The following CDH12 variants were observed in gnomAD, a reference collection of about 807,000 sequenced individuals.
CDH12 encodes the protein cadherin-12.
Under a neutral mutation model 74.1 loss-of-function variants are expected in CDH12, and 41 were observed. That is an observed-to-expected ratio of 0.55 (90% CI 0.43 to 0.72). CDH12 has a LOEUF of 0.72. Ranked by LOEUF, CDH12 falls within the 30% of genes least tolerant of loss-of-function variation. The pLI is 0.00. For synonymous variants in CDH12, 399 were observed against 355.0 expected, an observed-to-expected ratio of 1.12 and a Z score of -1.39; for missense variants, 945 against 977.2, an observed-to-expected ratio of 0.97 and a Z score of 0.44.
chr5:22,545,756 T>C (rs2126725987), intron 1 of CDH12, among the ~76,000 whole-genome samples: 1 of 152,318 alleles, frequency 6.6e-6, no homozygotes, highest in Non-Finnish European at 1.5e-5. Context: ...TCATTCTATT[T>C]TTCTCTTTTA....
chr5:22,564,734 G>A (rs550325640), intron 1 of CDH12, among the ~76,000 whole-genome samples: 1 of 151,984 alleles, frequency 6.6e-6, no homozygotes, highest in African/African-American at 2.4e-5. Context: ...CCTTTGATTT[G>A]TTGTATTTAA....
chr5:22,013,294 A>G (rs1737402536), intron 5 of CDH12, among the ~76,000 whole-genome samples: 2 of 152,156 alleles, frequency 1.3e-5, no homozygotes, highest in Admixed American at 1.3e-4. Context: ...AAACCATCAG[A>G]TAACCTGAGA....
intron 1 of CDH12, among the ~76,000 whole-genome samples, chr5:22,641,588 T>C (rs1739153950): frequency 6.6e-6 from 1 of 152,070 alleles, no homozygotes; most frequent in Non-Finnish European, 1.5e-5. Context: ...CTGACCATCA[T>C]ACCTGCTCTG....
intron 6 of CDH12, among the ~76,000 whole-genome samples, chr5:21,945,005 A>G (rs1298361733): frequency 6.6e-6 from 1 of 152,204 alleles, no homozygotes; most frequent in East Asian, 1.9e-4. Flanking sequence ...CGAAATAATA[A>G]GAGAGAAAAG....
At position 21,934,135 on chromosome 5, in the gene CDH12, C is replaced by G. The variant is rs556924556; in HGVS notation, c.526+40956G>C. ...ACACCCACACACACACACTCACACACACACACACATTTAAGTGGTTTGGGT... is the reference window on the plus strand; with the variant it reads ...ACACCCACACACACACACTCACACAGACACACACATTTAAGTGGTTTGGGT... On this transcript the variant is annotated intron_variant, in intron 6 of 14. Transcript: ENST00000382254. 2.7e-4 allele frequency among the ~76,000 whole-genome samples: 41 copies of G among 152,246 alleles called. No individual in the cohort carries two copies. The South Asian group carries it at 7.2e-3, about 27-fold the overall frequency.
At chr5:22,326,187 G>C (rs1401842836) in intron 3 of CDH12, among the ~76,000 whole-genome samples, 3 of 151,644 alleles carry the variant, frequency 2.0e-5, no homozygotes, top group Non-Finnish European at 4.4e-5. Context: ...CTCAATCAAG[G>C]ATTTATCTAT....
At chr5:21,926,635 C>A (rs1281100925) in intron 6 of CDH12, among the ~76,000 whole-genome samples, 1 of 152,038 alleles carries the variant, frequency 6.6e-6, no homozygotes, top group Non-Finnish European at 1.5e-5. Context: ...AATTAAGTAC[C>A]CTCCATAAAA....
chr5:22,171,337 A>G (rs1287653828), intron 4 of CDH12, among the ~76,000 whole-genome samples: 1 of 151,918 alleles, frequency 6.6e-6, no homozygotes, highest in African/African-American at 2.4e-5. Context: ...TAAATGTACT[A>G]GATGGCTATT....
chr5:22,618,066 G>GT lies in CDH12; in HGVS notation c.-522-112703dup, dbSNP rs199715518. On this transcript the variant is annotated intron_variant, in intron 1 of 14. Coordinates refer to ENST00000382254, the MANE Select transcript of CDH12 (RefSeq NM_004061.5). ...AGTTTGCTATAAAGAATCTGAGCTA[G>GT]TTTTTTTTTCAGCTTTTAATGCCTC... Among the ~76,000 whole-genome samples, 370 of 151,160 alleles carry GT rather than the reference G, an allele frequency of 2.4e-3. 3 individuals are homozygous for GT. The highest frequency in any genetic ancestry group is 8.4e-3 in the African/African-American group (346 of 41,206).
At chr5:22,136,265 A>G (rs962502177) in intron 4 of CDH12, among the ~76,000 whole-genome samples, 4 of 152,028 alleles carry the variant, frequency 2.6e-5, no homozygotes, top group South Asian at 2.1e-4. Flanking sequence ...GGAGTTATCA[A>G]TATGGACAAC....
At chr5:22,720,274 A>G (rs1743810589) in intron 1 of CDH12, among the ~76,000 whole-genome samples, 1 of 152,078 alleles carries the variant, frequency 6.6e-6, no homozygotes, top group Non-Finnish European at 1.5e-5. Flanking sequence ...ACAATATCCG[A>G]TGGTTTTTTA....
At chr5:22,207,526 A>G (rs1283796301) in intron 4 of CDH12, among the ~76,000 whole-genome samples, 1 of 152,222 alleles carries the variant, frequency 6.6e-6, no homozygotes, top group Non-Finnish European at 1.5e-5. Context: ...TGGCCCCTGT[A>G]ATACCAAGTT....
At chr5:22,530,875 C>A (rs914014688) in intron 1 of CDH12, among the ~76,000 whole-genome samples, 1 of 152,048 alleles carries the variant, frequency 6.6e-6, no homozygotes. Flanking sequence ...TAGATTTTTT[C>A]TTAAAAATTA....
At chr5:22,372,700 C>T (rs866378984) in intron 3 of CDH12, among the ~76,000 whole-genome samples, 7 of 152,126 alleles carry the variant, frequency 4.6e-5, no homozygotes, top group Admixed American at 2.0e-4. Flanking sequence ...ACTGTAAGCC[C>T]GTAGCTGCCT....
intron 4 of CDH12, among the ~76,000 whole-genome samples, chr5:22,163,233 A>T (rs1347796558): frequency 1.3e-5 from 2 of 152,058 alleles, no homozygotes; most frequent in East Asian, 3.9e-4. Flanking sequence ...GCCCTCGTTT[A>T]TCCTGTTTAT....
At chr5:22,748,982 G>A (rs1745425265) in intron 1 of CDH12, among the ~76,000 whole-genome samples, 1 of 152,152 alleles carries the variant, frequency 6.6e-6, no homozygotes. Context: ...AGTACAAAAG[G>A]CCTATGATAG....
At chr5:21,771,804 C>T (rs1745338568) in intron 11 of CDH12, among the ~76,000 whole-genome samples, 1 of 152,142 alleles carries the variant, frequency 6.6e-6, no homozygotes, top group Non-Finnish European at 1.5e-5. Context: ...ATTGCAGGCC[C>T]ATTTCAAAAT....
At chr5:22,524,503 T>C (rs903484023) in intron 1 of CDH12, among the ~76,000 whole-genome samples, 1 of 152,146 alleles carries the variant, frequency 6.6e-6, no homozygotes, top group Non-Finnish European at 1.5e-5. Flanking sequence ...AACTGTACAC[T>C]ATACTACTTG....
At chr5:22,256,094 A>T (rs1753306625) in intron 3 of CDH12, among the ~76,000 whole-genome samples, 1 of 152,166 alleles carries the variant, frequency 6.6e-6, no homozygotes, top group Non-Finnish European at 1.5e-5. Context: ...CATATTTGCT[A>T]AACAGTTTTC....
Sources: allele counts gnomAD v4.1 joint callset (sites outside exome capture counted in the v4.1 genomes callset), GRCh38; gene constraint gnomAD v4.1.1; transcripts MANE v1.5; gene names NCBI Gene and HGNC (gene_info 2026-07-23, HGNC 2026-07-21).